The following MDGA1 variants were observed in gnomAD, a reference collection of about 807,000 sequenced individuals.
MDGA1 encodes the protein MAM domain containing glycosylphosphatidylinositol anchor 1.
In MDGA1, 54 loss-of-function variants were observed where a neutral mutation model predicts 101.5. The ratio of observed to expected loss-of-function variants is 0.53; its 90% CI spans 0.43 to 0.67. The LOEUF (loss-of-function observed/expected upper bound fraction) is 0.67. Ranked by LOEUF, MDGA1 falls within the 30% of genes least tolerant of loss-of-function variation. The pLI is 0.00. For missense variants in MDGA1, 1,083 were observed against 1,323.8 expected, an observed-to-expected ratio of 0.82 and a Z score of 2.82; for synonymous variants, 533 against 558.3, an observed-to-expected ratio of 0.95 and a Z score of 0.64.
chr6:37,655,729 C>T lies in MDGA1; in HGVS notation c.550G>A (p.Val184Ile), dbSNP rs2114031993. ...DTLSHSQDNG[V>I]DIYEPLYTQG... ...GTGTAGAGGGGCTCATAGATGTCAA[C>T]CCCATTGTCCTGGCTGTGGGATAGG... is the stretch of plus-strand genomic sequence containing the variant. Residue 184 changes from valine (V) to isoleucine (I), a missense_variant, in exon 4 of 17, where the codon GTT becomes ATT. Val to Ile is a conservative substitution (Grantham distance 29). Around this residue, in one of 3 missense-constraint regions of MDGA1, gnomAD observed 310 missense variants for 355.9 expected, o/e 0.87. Coordinates refer to ENST00000434837, the MANE Select transcript of MDGA1 (RefSeq NM_153487.4). This position sits in a 1 kb window ranked among gnomAD's most constrained non-coding sequence, Gnocchi z 5.1. The T allele has an allele frequency of 6.2e-7, 1 of 1,612,310 alleles. No individual in the cohort carries two copies. The highest frequency in any genetic ancestry group is 8.5e-7 in the Non-Finnish European group (1 of 1,179,108).
chr6:37,682,105 AAG>A (rs1310232051), intron 1 of MDGA1, among the ~76,000 whole-genome samples: 1 of 152,208 alleles, frequency 6.6e-6, no homozygotes, highest in Admixed American at 6.5e-5. Context: ...ATGGATGTGG[AAG>A]AGAGAGTAAT....
rs1400499107 is a variant in MDGA1 at position 37,654,510 on chromosome 6, G to A, written c.746C>T (p.Thr249Ile). ...PPALKLSVNE[T>I]LVVNPGENVT... ...ATTCTCCCCAGGGTTCACCACCAGA[G>A]TTTCGTTCACAGACAGCTTCAGGGC... The change falls in exon 6 of 17, where the codon ACT becomes ATT. Residue 249 changes from threonine to isoleucine, a missense_variant. Coordinates refer to ENST00000434837, the MANE Select transcript of MDGA1 (RefSeq NM_153487.4). The A allele has an allele frequency of 6.2e-7, 1 of 1,614,042 alleles. No individual in the cohort carries two copies. The highest frequency in any genetic ancestry group is 1.7e-5 in the Admixed American group (1 of 60,030).
intron 14 of MDGA1, among the ~76,000 whole-genome samples, chr6:37,642,176 TTTC>T (rs1373914984): frequency 3.0e-4 from 28 of 93,846 alleles, no homozygotes; most frequent in Middle Eastern, 6.3e-3. Flanking sequence ...TACTGGTTTC[TTTC>T]TTTTTTTTTT....
In MDGA1 at chr6:37,664,842, G is replaced by GACACACACACACACACACACACAC. The variant is rs35594367; in HGVS notation, c.68-760_68-737dup. Among the ~76,000 whole-genome samples the GACACACACACACACACACACACAC allele has an allele frequency of 3.1e-4, 17 of 55,260 alleles. 2 individuals carry two copies. Among genetic ancestry groups the GACACACACACACACACACACACAC allele is most frequent in the East Asian group, 1.2e-3 (1 of 862 alleles). 36.3% of individuals were successfully genotyped at this position (55,260 alleles called of 152,430 possible). ...TTTGCTTTTAGAGAGCCTAACCTAAGACACACACACACACACACACACACA... is the reference window on the plus strand; with the variant it reads ...TTTGCTTTTAGAGAGCCTAACCTAAGACACACACACACACACACACACACACACACACACACACACACACACACA... On this transcript the variant is annotated intron_variant, in intron 1 of 16. Transcript: ENST00000434837.
intron 1 of MDGA1, among the ~76,000 whole-genome samples, chr6:37,690,144 T>C (rs1762279806): frequency 2.0e-5 from 3 of 152,216 alleles, no homozygotes; most frequent in Non-Finnish European, 4.4e-5. Context: ...GGCCAGGGCC[T>C]TTGCAGCGGC....
In MDGA1 at chr6:37,696,718, A is replaced by G. The variant is rs760594593; in HGVS notation, c.67+27T>C. 6.4e-7 allele frequency: 1 copy of G among 1,562,632 alleles called. No individual in the cohort carries two copies. The highest frequency in any genetic ancestry group is 1.2e-5 in the South Asian group (1 of 84,898). ...CAAAGTTTCCGCGCGAGGTTAAGCC[A>G]AGGTGGAGCGGGACGCGGGCTCTTA... is the stretch of plus-strand genomic sequence containing the variant. On this transcript the variant is annotated intron_variant, in intron 1 of 16. Transcript: ENST00000434837. This position sits in a 1 kb window ranked among gnomAD's most constrained non-coding sequence, Gnocchi z 5.6.
chr6:37,686,551 C>T (rs577083279), intron 1 of MDGA1, among the ~76,000 whole-genome samples: 8 of 151,936 alleles, frequency 5.3e-5, no homozygotes, highest in African/African-American at 7.2e-5. Context: ...CTCAGCCTCC[C>T]GAGTAGCTGG....
intron 13 of MDGA1, 27 bp downstream of exon 13, chr6:37,644,470 A>G: frequency 1.3e-6 from 2 of 1,512,936 alleles, no homozygotes; most frequent in Non-Finnish European, 1.8e-6. Flanking sequence ...GCAATCCTCC[A>G]TTTCTGGCAG....
Position 37,646,341 on chromosome 6 carries a change from G to A in MDGA1, c.2081C>T (p.Pro694Leu), listed in dbSNP as rs754694636. The change falls in exon 11 of 17, where the codon CCG becomes CTG. Residue 694 changes from proline (P) to leucine (L), a missense_variant. Pro to Leu is a moderately conservative substitution (Grantham distance 98, BLOSUM62 -3). This residue lies in a region of MDGA1 where 657 missense variants were observed against 771.4 expected (regional missense o/e 0.85). Transcript: ENST00000434837. Reference protein sequence around the residue: ...NQHNAVVKAIPVRRVEKGQLL... With the variant: ...NQHNAVVKAILVRRVEKGQLL... ...CTGCCCCTTCTCCACACGCCGGACC[G>A]GGATGGCCTTGACCACCGCATTGTG... 1.7e-5 allele frequency: 26 copies of A among 1,572,722 alleles called. No individual in the cohort carries two copies. Among genetic ancestry groups the A allele is most frequent in the Non-Finnish European group, 1.8e-5 (21 of 1,158,392 alleles).
At chr6:37,676,902 G>GAAA (rs564072339) in intron 1 of MDGA1, among the ~76,000 whole-genome samples, 1,592 of 71,424 alleles carry the variant, frequency 0.022, 46 homozygotes, top group African/African-American at 0.079. Context: ...CATCTCAACA[G>GAAA]AAAAAAAAAA....
chr6:37,687,466 G>C (rs1180948644), intron 1 of MDGA1, among the ~76,000 whole-genome samples: 1 of 151,704 alleles, frequency 6.6e-6, no homozygotes, highest in Non-Finnish European at 1.5e-5. Flanking sequence ...CTACTCACGA[G>C]GCTGAGGTGG....
In MDGA1 at chr6:37,697,838, G is replaced by A. The variant is rs1025936489; in HGVS notation, c.-1027C>T. 2.7e-5 allele frequency: 4 copies of A among 148,746 alleles called. No individual in the cohort carries two copies. Among genetic ancestry groups the A allele is most frequent in the Admixed American group, 6.6e-5 (1 of 15,050 alleles). 9.2% of individuals were successfully genotyped at this position (148,746 alleles called of 1,614,324 possible). A position where few individuals can be genotyped will look rare whatever the true frequency, so the allele number is the denominator to read the frequency against. On this transcript the variant is annotated 5_prime_UTR_variant, in exon 1 of 17. Transcript: ENST00000434837. ...CGGGGCGCGGCGGCCGCTCGGCTCC[G>A]GGCCGCGGGAGCGCTCCGCTCGCTC...
intron 7 of MDGA1, 31 bp from the exon 8 acceptor site, chr6:37,650,436 T>TTTTTTA: frequency 1.3e-6 from 2 of 1,488,156 alleles, no homozygotes; most frequent in Non-Finnish European, 1.8e-6. Flanking sequence ...AGCGGAGAGG[T>TTTTTTA]AGGAGCGGAG....
intron 7 of MDGA1, among the ~76,000 whole-genome samples, chr6:37,651,294 G>A (rs991385553): frequency 6.6e-6 from 1 of 152,000 alleles, no homozygotes; most frequent in African/African-American, 2.4e-5. Flanking sequence ...CCAATCAGAG[G>A]GTCTTTTGAA....
intron 1 of MDGA1, among the ~76,000 whole-genome samples, chr6:37,672,621 C>A (rs369536490): frequency 3.8e-4 from 58 of 152,244 alleles, no homozygotes; most frequent in African/African-American, 1.1e-3. Flanking sequence ...GTTCTATCTG[C>A]CCACAGATGA....
At chr6:37,688,314 G>C (rs1762239932) in intron 1 of MDGA1, among the ~76,000 whole-genome samples, 1 of 152,164 alleles carries the variant, frequency 6.6e-6, no homozygotes, top group African/African-American at 2.4e-5. Flanking sequence ...ATCTGTTGTT[G>C]AAAAAGCTCT....
intron 12 of MDGA1, among the ~76,000 whole-genome samples, chr6:37,645,396 C>T (rs1255439778): frequency 2.0e-5 from 3 of 151,998 alleles, no homozygotes; most frequent in African/African-American, 4.8e-5. Context: ...CAGCCAGGTG[C>T]GGTGGCACAT....
chr6:37,637,602 C>G, intron 16 of MDGA1, 143 bp from the exon 17 acceptor site: 1 of 656,256 alleles, frequency 1.5e-6, no homozygotes, highest in South Asian at 2.0e-5. Flanking sequence ...TGCACACAGA[C>G]AAACTCACCG....
In MDGA1 at chr6:37,637,085, A is replaced by C; in HGVS notation, c.*283T>G. 5 of 320,706 alleles carry C rather than the reference A, an allele frequency of 1.6e-5. No individual in the cohort carries two copies. Among genetic ancestry groups the C allele is most frequent in the Non-Finnish European group, 1.7e-5 (3 of 173,798 alleles). The allele number at this position is 320,706 out of a possible 1,614,324, so 19.9% of individuals were successfully genotyped here. A position where few individuals can be genotyped will look rare whatever the true frequency, so the allele number is the denominator to read the frequency against. ...CAGGCAAGTCCCCTGTCTTTGCAGT[A>C]AAGAAGGTGCTGGCAGGTCAGATAG... is the stretch of plus-strand genomic sequence containing the variant. On this transcript the variant is annotated 3_prime_UTR_variant, in exon 17 of 17. Coordinates refer to ENST00000434837, the MANE Select transcript of MDGA1 (RefSeq NM_153487.4).
Sources: allele counts gnomAD v4.1 joint callset (sites outside exome capture counted in the v4.1 genomes callset), GRCh38; gene constraint gnomAD v4.1.1; regional missense constraint gnomAD v4.1.1; non-coding constraint Gnocchi (gnomAD v3.1); transcripts MANE v1.5; gene names NCBI Gene and HGNC (gene_info 2026-07-23, HGNC 2026-07-21).